BANK1: variants seen among roughly 807,000 people sequenced by gnomAD.
BANK1 encodes the protein B cell scaffold protein with ankyrin repeats 1.
Under a neutral mutation model 94.5 loss-of-function variants are expected in BANK1, and 95 were observed. The observed-to-expected ratio is 1.00, with a 90% CI of 0.85 to 1.19. The LOEUF (loss-of-function observed/expected upper bound fraction) is 1.19, where lower values mean the gene tolerates loss of function less well. Among genes scored for constraint, BANK1 ranks in the 50% most tolerant of loss-of-function variants. The pLI is 0.00. For synonymous variants in BANK1, 334 were observed against 308.4 expected (o/e 1.08, Z -0.87); for missense variants, 987 against 932.2 (o/e 1.06, Z -0.77).
intron 7 of BANK1, among the ~76,000 whole-genome samples, chr4:101,990,202 C>A (rs894588715): frequency 2.6e-5 from 4 of 152,130 alleles, no homozygotes; most frequent in Admixed American, 1.3e-4. Flanking sequence ...CAAGACAAAT[C>A]TAATTATTTT....
intron 14 of BANK1, 64 bp downstream of exon 14, chr4:102,071,368 A>G (rs376311226): frequency 1.6e-5 from 24 of 1,470,466 alleles, no homozygotes; most frequent in Non-Finnish European, 2.1e-5. Flanking sequence ...AATCAATTTC[A>G]ATATTAATGT....
In BANK1 at chr4:101,870,600, G is replaced by T. The variant is rs1185676065; in HGVS notation, c.859G>T (p.Glu287Ter). ...IKYYPTAKAK[E>*]CLFRMADSGE... Reference sequence around the variant, plus strand: ...GTACTACCCAACAGCAAAGGCAAAGGAATGCCTATTCAGAATGGCAGATTC... The same window carrying T: ...GTACTACCCAACAGCAAAGGCAAAGTAATGCCTATTCAGAATGGCAGATTC... Residue 287 changes from glutamate (E) to a stop codon, truncating the protein, a stop_gained, in exon 5 of 17, where the codon GAA becomes TAA. Coordinates refer to ENST00000322953, the MANE Select transcript of BANK1 (RefSeq NM_017935.5). LOFTEE classifies it high-confidence loss of function. 11 of 1,612,790 alleles carry T rather than the reference G, an allele frequency of 6.8e-6. No homozygotes were observed. The highest frequency in any genetic ancestry group is 8.5e-6 in the Non-Finnish European group (10 of 1,179,258).
chr4:101,858,321 A>G (rs1727755269), intron 3 of BANK1, among the ~76,000 whole-genome samples: 1 of 152,218 alleles, frequency 6.6e-6, no homozygotes, highest in South Asian at 2.1e-4. Flanking sequence ...AATGCACACA[A>G]CAGCTCCCAC....
chr4:101,912,565 C>CAT (rs992866089), intron 6 of BANK1, among the ~76,000 whole-genome samples: 6 of 147,814 alleles, frequency 4.1e-5, no homozygotes, highest in African/African-American at 1.5e-4. Context: ...ATCTCTATAA[C>CAT]ATATATATAA....
At chr4:102,028,539 G>C (rs1727178834) in intron 9 of BANK1, among the ~76,000 whole-genome samples, 1 of 151,878 alleles carries the variant, frequency 6.6e-6, no homozygotes, top group Non-Finnish European at 1.5e-5. Flanking sequence ...CCCCTTTTAA[G>C]TTTTTCCACT....
At chr4:102,040,791 AAAG>A (rs1194858848) in intron 10 of BANK1, among the ~76,000 whole-genome samples, 3 of 152,034 alleles carry the variant, frequency 2.0e-5, no homozygotes, top group Admixed American at 1.3e-4. Context: ...GTGTCTTGGG[AAAG>A]AAGAATTGGT....
intron 2 of BANK1, among the ~76,000 whole-genome samples, chr4:101,838,942 A>G (rs116122966): frequency 1.3e-5 from 2 of 152,370 alleles, no homozygotes; most frequent in African/African-American, 2.4e-5. Context: ...AGCTTGATTC[A>G]AGATGATGTA....
At chr4:101,923,351 CTA>C (rs971692955) in intron 7 of BANK1, among the ~76,000 whole-genome samples, 51 of 151,008 alleles carry the variant, frequency 3.4e-4, no homozygotes, top group Non-Finnish European at 6.4e-4. Context: ...TGTTTAAAGA[CTA>C]TATATATATA....
chr4:101,883,793 A>G (rs1280984489), intron 5 of BANK1, among the ~76,000 whole-genome samples: 1 of 152,218 alleles, frequency 6.6e-6, no homozygotes, highest in Non-Finnish European at 1.5e-5. Context: ...CACAGTTAAT[A>G]ATGTTTCTTT....
intron 8 of BANK1, among the ~76,000 whole-genome samples, chr4:102,022,169 G>A (rs1726935062): frequency 6.6e-6 from 1 of 151,668 alleles, no homozygotes; most frequent in South Asian, 2.1e-4. Context: ...AGGCTTTATT[G>A]GCATACAGCT....
chr4:101,909,090 A>G (rs1722567230), intron 6 of BANK1, among the ~76,000 whole-genome samples: 1 of 152,222 alleles, frequency 6.6e-6, no homozygotes, highest in African/African-American at 2.4e-5. Flanking sequence ...TCATGCTGCT[A>G]GAAAGACACA....
At chr4:101,856,866 CAA>C (rs1249464315) in intron 3 of BANK1, among the ~76,000 whole-genome samples, 1 of 152,074 alleles carries the variant, frequency 6.6e-6, no homozygotes, top group Non-Finnish European at 1.5e-5. Flanking sequence ...AAAGGTTATA[CAA>C]AGTTATTTTA....
At chr4:102,023,405 A>G (rs1256526343) in intron 8 of BANK1, among the ~76,000 whole-genome samples, 1 of 152,228 alleles carries the variant, frequency 6.6e-6, no homozygotes, top group Non-Finnish European at 1.5e-5. Context: ...AAATGACCAT[A>G]TATTTATCAT....
At position 101,886,488 on chromosome 4, in the gene BANK1, G is replaced by A. The variant is rs149467495; in HGVS notation, c.904-8817G>A. ...TAAATCATGGCATCATTTATAGAAA[G>A]CATTTTTGAGAGACATTGTTTTGAG... On this transcript the variant is annotated intron_variant, in intron 5 of 16. Coordinates refer to ENST00000322953, the MANE Select transcript of BANK1 (RefSeq NM_017935.5). 4.0e-4 allele frequency among the ~76,000 whole-genome samples: 61 copies of A among 152,262 alleles called. No individual in the cohort carries two copies. In the East Asian group the frequency reaches 9.8e-3, roughly 25 times the overall value.
chr4:101,890,128 A>G (rs1721793883), intron 5 of BANK1, among the ~76,000 whole-genome samples: 1 of 152,162 alleles, frequency 6.6e-6, no homozygotes, highest in African/African-American at 2.4e-5. Context: ...GAAAGAATGT[A>G]TTCTGCTGTT....
intron 7 of BANK1, among the ~76,000 whole-genome samples, chr4:102,010,217 A>AT (rs1339589566): frequency 5.3e-5 from 8 of 151,738 alleles, no homozygotes; most frequent in Non-Finnish European, 2.9e-5. Context: ...GTGAGCAGAG[A>AT]TCCAGCCACT....
At chr4:101,888,681 A>G (rs957191963) in intron 5 of BANK1, among the ~76,000 whole-genome samples, 1 of 152,236 alleles carries the variant, frequency 6.6e-6, no homozygotes, top group Non-Finnish European at 1.5e-5. Flanking sequence ...AAAAGTAGAC[A>G]TTTAGAAAAA....
rs557738732 is a variant in BANK1, at chr4:101,807,837, T to C, written c.70+16887T>C. 8.5e-5 allele frequency among the ~76,000 whole-genome samples: 13 copies of C among 152,136 alleles called. No homozygotes were observed. The East Asian group carries it at 2.1e-3, about 25-fold the overall frequency. The stretch of plus-strand genomic sequence containing the variant: ...GGCTCACGCCTGTAATCCCAGCAGT[T>C]TGGGAGACTGAGGTGGGTGGATCAC... On this transcript the variant is annotated intron_variant, in intron 1 of 16. Transcript: ENST00000322953.
intron 14 of BANK1, among the ~76,000 whole-genome samples, 192 bp downstream of exon 14, chr4:102,071,496 G>A (rs926322400): frequency 6.6e-6 from 1 of 152,068 alleles, no homozygotes; most frequent in African/African-American, 2.4e-5. Flanking sequence ...AACACTGAAG[G>A]CACCATAACG....
Sources: allele counts gnomAD v4.1 joint callset (sites outside exome capture counted in the v4.1 genomes callset), GRCh38; gene constraint gnomAD v4.1.1; transcripts MANE v1.5; gene names NCBI Gene and HGNC (gene_info 2026-07-23, HGNC 2026-07-21).